The following LIPT1 variants were observed in gnomAD, a reference collection of about 807,000 sequenced individuals.
LIPT1 encodes the protein lipoyltransferase 1.
LIPT1 carries 22 observed loss-of-function variants against 25.1 expected under a neutral mutation model. The ratio of observed to expected loss-of-function variants is 0.88; its 90% CI spans 0.63 to 1.25. The LOEUF (loss-of-function observed/expected upper bound fraction) is 1.25. Among genes scored for constraint, LIPT1 ranks in the 50% most tolerant of loss-of-function variants. The pLI is 0.00. For missense variants in LIPT1, 399 were observed against 432.8 expected (o/e 0.92, Z 0.69); for synonymous variants, 131 against 150.8 (o/e 0.87, Z 0.96).
At chr2:99,159,149 C>CA (rs1452853865) in intron 1 of LIPT1, among the ~76,000 whole-genome samples, 3 of 152,016 alleles carry the variant, frequency 2.0e-5, no homozygotes, top group Non-Finnish European at 2.9e-5. Context: ...AGGATGGTCT[C>CA]AATCTCCTGA....
intron 1 of LIPT1, among the ~76,000 whole-genome samples, chr2:99,160,518 A>G (rs1020995538): frequency 6.6e-6 from 1 of 152,230 alleles, no homozygotes; most frequent in Non-Finnish European, 1.5e-5. Context: ...TTATATTCTA[A>G]GAAATAGAAT....
intron 1 of LIPT1, chr2:99,156,915 T>A (rs1186930605): frequency 6.6e-6 from 1 of 152,230 alleles, no homozygotes; most frequent in East Asian, 1.9e-4. Context: ...GAATACATGG[T>A]ATATGATAGG....
rs777828985 is a variant in LIPT1, at chr2:99,162,818, G to A, written c.861G>A (p.Val287=). ...PKFSINTSFH[V]LYEQSHLEIK... ...TTAGTATAAATACTTCCTTTCATGT[G>A]TTATATGAACAGTCACACTTGGAAA... is the stretch of plus-strand genomic sequence containing the variant. Residue 287 remains valine (V), a synonymous_variant, in exon 2 of 2, where the codon GTG becomes GTA. Transcript: ENST00000651691. The A allele has an allele frequency of 1.8e-5, 29 of 1,613,820 alleles. No individual in the cohort carries two copies. The highest frequency in any genetic ancestry group is 8.3e-5 in the Admixed American group (5 of 59,992).
At chr2:99,160,898 A>G (rs1319829535) in intron 1 of LIPT1, among the ~76,000 whole-genome samples, 1 of 152,206 alleles carries the variant, frequency 6.6e-6, no homozygotes, top group Admixed American at 6.5e-5. Context: ...GAAGCCACCT[A>G]AAATTACAGA....
rs1196158402 is a variant in LIPT1, at chr2:99,161,993, G to A, written c.36G>A (p.Gln12=). 2 of 1,609,290 alleles carry A rather than the reference G, an allele frequency of 1.2e-6. No homozygotes were observed. Among genetic ancestry groups the A allele is most frequent in the Non-Finnish European group, 1.7e-6 (2 of 1,177,160 alleles). ...LIPFSMKNCF[Q]LLCNCQVPAA... ...CATTTTCAATGAAGAATTGCTTCCA[G>A]TTACTTTGTAACTGCCAGGTCCCAG... Residue 12 remains glutamine (Q), a synonymous_variant, in exon 2 of 2, where the codon CAG becomes CAA. Coordinates refer to ENST00000651691, the MANE Select transcript of LIPT1 (RefSeq NM_145199.3).
Position 99,162,009 on chromosome 2 carries a change from C to T in LIPT1, c.52C>T (p.Gln18Ter). 6.2e-7 allele frequency: 1 copy of T among 1,613,184 alleles called. No homozygotes were observed. Among genetic ancestry groups the T allele is most frequent in the Non-Finnish European group, 8.5e-7 (1 of 1,179,388 alleles). Residue 18 changes from glutamine (Q) to a stop codon, truncating the protein, a stop_gained, in exon 2 of 2, where the codon CAG becomes TAG. Transcript: ENST00000651691. LOFTEE classifies it high-confidence loss of function. ...KNCFQLLCNC[Q>*]VPAAGFKKTV... The stretch of plus-strand genomic sequence containing the variant: ...TTGCTTCCAGTTACTTTGTAACTGC[C>T]AGGTCCCAGCAGCTGGCTTTAAAAA...
chr2:99,162,452 A>G lies in LIPT1; in HGVS notation c.495A>G (p.Thr165=), dbSNP rs967030968. The part of the protein sequence containing the change: ...LLDGQFKISG[T]ASKIGRTTAY... ...ATGGACAGTTTAAAATCTCAGGAAC[A>G]GCTTCTAAGATCGGCCGGACTACTG... is the stretch of plus-strand genomic sequence containing the variant. Residue 165 remains threonine, a synonymous_variant, in exon 2 of 2, where the codon ACA becomes ACG. Transcript: ENST00000651691. The G allele has an allele frequency of 5.0e-6, 8 of 1,614,068 alleles. No homozygotes were observed. In the Admixed American group the frequency reaches 1.2e-4, roughly 24 times the overall value.
intron 1 of LIPT1, chr2:99,155,438 C>G (rs1235390410): frequency 2.2e-6 from 1 of 453,866 alleles, no homozygotes; most frequent in African/African-American, 2.0e-5. Flanking sequence ...AGAAGCTGCG[C>G]CTGCCTAGAA....
At chr2:99,155,178 T>TTGAA in intron 1 of LIPT1, 127 bp downstream of exon 1, 1 of 412,366 alleles carries the variant, frequency 2.4e-6, no homozygotes. Context: ...TCCGCCGGTG[T>TTGAA]TGAAGCCTCT....
In LIPT1 at chr2:99,162,754, T is replaced by C; in HGVS notation, c.797T>C (p.Leu266Pro). 6.2e-7 allele frequency: 1 copy of C among 1,614,124 alleles called. No homozygotes were observed. Among genetic ancestry groups the C allele is most frequent in the South Asian group, 1.1e-5 (1 of 91,076 alleles). Residue 266 changes from leucine (L) to proline (P), a missense_variant, in exon 2 of 2, where the codon CTG (leucine) becomes CCG (proline). By Grantham distance (98) the Leu-to-Pro change is moderately conservative. Transcript: ENST00000651691. The stretch of plus-strand genomic sequence containing the variant: ...GGAATAAATAGCAAAGCCAAAGAAC[T>C]GCAAACTTGGGAGTGGATATATGGC... ...FPGINSKAKELQTWEWIYGKT... is the reference protein window; with the variant it reads ...FPGINSKAKEPQTWEWIYGKT...
Position 99,162,548 on chromosome 2 carries a change from C to G in LIPT1, c.591C>G (p.Tyr197Ter), listed in dbSNP as rs1218213289. 6.2e-7 allele frequency: 1 copy of G among 1,613,992 alleles called. No individual in the cohort carries two copies. The highest frequency in any genetic ancestry group is 8.5e-7 in the Non-Finnish European group (1 of 1,180,026). The change falls in exon 2 of 2, where the codon TAC becomes TAG. Residue 197 changes from tyrosine (Y) to a stop codon, truncating the protein, a stop_gained. Coordinates refer to ENST00000651691, the MANE Select transcript of LIPT1 (RefSeq NM_145199.3). LOFTEE classifies it high-confidence loss of function. ...TFLSSLLKSP[Y>*]QGIRSNATAS... ...TGTCTTCTTTGCTAAAGAGCCCTTA[C>G]CAAGGGATCAGGAGCAATGCCACTG...
In LIPT1 at chr2:99,155,267, AG is replaced by A. The variant is rs1428889789; in HGVS notation, c.-2+219del. The A allele has an allele frequency of 8.7e-4, 318 of 366,430 alleles. 1 individual carries two copies. Among genetic ancestry groups the A allele is most frequent in the Non-Finnish European group, 3.8e-4 (70 of 184,148 alleles). The allele number at this position is 366,430 out of a possible 1,614,324, so 22.7% of individuals were successfully genotyped here. ...ACGGTTGATCCCGAACACAGGAGGG[AG>A]GGTAAATATCGTAAAACATGTTGGA... On this transcript the variant is annotated intron_variant, in intron 1 of 1. Transcript: ENST00000651691.
intron 1 of LIPT1, among the ~76,000 whole-genome samples, chr2:99,160,243 A>G (rs1269532150): frequency 6.6e-6 from 1 of 152,276 alleles, no homozygotes; most frequent in Admixed American, 6.5e-5. Context: ...CCCCATCTCT[A>G]CAAAAAATTT....
At chr2:99,159,398 T>TTCTG (rs2093771974) in intron 1 of LIPT1, among the ~76,000 whole-genome samples, 1 of 151,444 alleles carries the variant, frequency 6.6e-6, no homozygotes. Flanking sequence ...ATCCATCCCC[T>TTCTG]TCTCTCTCTC....
rs376450888 is a variant in LIPT1 at position 99,162,263 on chromosome 2, A to C, written c.306A>C (p.Gly102=). The C allele has an allele frequency of 6.2e-7, 1 of 1,613,090 alleles. No individual in the cohort carries two copies. The highest frequency in any genetic ancestry group is 8.5e-7 in the Non-Finnish European group (1 of 1,179,916). Residue 102 remains glycine (G), a synonymous_variant, in exon 2 of 2, where the codon GGA becomes GGC. Transcript: ENST00000651691. The part of the protein sequence containing the change: ...EGIKLARRRS[G]GGTVYHDMGN... ...TAAAACTGGCTCGGAGAAGAAGTGG[A>C]GGAGGAACAGTCTACCATGATATGG... is the stretch of plus-strand genomic sequence containing the variant.
In LIPT1 at chr2:99,156,738, T is replaced by G. The variant is rs2516829; in HGVS notation, c.-2+1687T>G. On this transcript the variant is annotated intron_variant, in intron 1 of 1. Coordinates refer to ENST00000651691, the MANE Select transcript of LIPT1 (RefSeq NM_145199.3). ...ATACCTGGATGAAGAGAGATATTTT[T>G]AGCACTATTAAAATACATGCATTGG... The G allele has an allele frequency of 0.62, 94,500 of 152,134 alleles. 29,800 individuals carry two copies. Among genetic ancestry groups the G allele is most frequent in the East Asian group, 0.88 (4,581 of 5,182 alleles). 9.4% of individuals were successfully genotyped at this position (152,134 alleles called of 1,614,324 possible).
intron 1 of LIPT1, among the ~76,000 whole-genome samples, chr2:99,157,647 C>T (rs1485552974): frequency 6.6e-6 from 1 of 152,202 alleles, no homozygotes; most frequent in African/African-American, 2.4e-5. Context: ...CATCTTGTCT[C>T]CTTGAAGCTT....
At position 99,162,511 on chromosome 2, in the gene LIPT1, A is replaced by C. The variant is rs1462499605; in HGVS notation, c.554A>C (p.Asp185Ala). ...YHHCTLLCST[D>A]GTFLSSLLKS... Reference sequence around the variant, plus strand: ...CATTGCACTTTATTATGTAGTACTGATGGGACGTTCTTGTCTTCTTTGCTA... The same window carrying C: ...CATTGCACTTTATTATGTAGTACTGCTGGGACGTTCTTGTCTTCTTTGCTA... The change falls in exon 2 of 2, where the codon GAT (aspartate) becomes GCT (alanine). Residue 185 changes from aspartate (D) to alanine (A), a missense_variant. Transcript: ENST00000651691. 1.9e-6 allele frequency: 3 copies of C among 1,613,990 alleles called. No individual in the cohort carries two copies. The highest frequency in any genetic ancestry group is 2.5e-6 in the Non-Finnish European group (3 of 1,180,012).
chr2:99,155,812 G>A (rs2093746079), intron 1 of LIPT1, among the ~76,000 whole-genome samples: 1 of 152,224 alleles, frequency 6.6e-6, no homozygotes, highest in Admixed American at 6.5e-5. Context: ...CCCGGCTTAA[G>A]AGCAGGGGCT....
Sources: gnomAD v4.1 joint callset for allele counts (sites outside exome capture counted in the v4.1 genomes callset) on GRCh38, gnomAD v4.1.1 for gene constraint, MANE v1.5 for transcripts, NCBI Gene and HGNC (gene_info 2026-07-23, HGNC 2026-07-21) for gene names.